Variants in PCSK5 observed in about 807,000 individuals in gnomAD.
PCSK5 encodes the protein prohormone convertase 5.
Under a neutral mutation model 233.2 loss-of-function variants are expected in PCSK5, and 129 were observed. The observed-to-expected ratio is 0.55, with a 90% CI of 0.48 to 0.64. The LOEUF is 0.64. PCSK5 is among the 30% of genes least tolerant of loss of function. PCSK5 has a pLI of 0.00. For synonymous variants in PCSK5, 825 were observed against 879.2 expected, an observed-to-expected ratio of 0.94 and a Z score of 1.09; for missense variants, 2,076 against 2,430.1, an observed-to-expected ratio of 0.85 and a Z score of 3.06.
intron 9 of PCSK5, among the ~76,000 whole-genome samples, chr9:76,116,489 T>C (rs1183366272): frequency 1.3e-5 from 2 of 152,096 alleles, no homozygotes; most frequent in Non-Finnish European, 2.9e-5. Flanking sequence ...AAGACTGTAG[T>C]ACATCAGACA....
chr9:76,238,025 T>A (rs1442767238), intron 22 of PCSK5, among the ~76,000 whole-genome samples: 5 of 152,126 alleles, frequency 3.3e-5, no homozygotes, highest in Non-Finnish European at 5.9e-5. Flanking sequence ...GTAGATCACA[T>A]GACGAATGAA....
intron 24 of PCSK5, among the ~76,000 whole-genome samples, chr9:76,269,638 T>C (rs1827446388): frequency 6.6e-6 from 1 of 152,232 alleles, no homozygotes; most frequent in South Asian, 2.1e-4. Context: ...CTAAACCTCC[T>C]ATAGCTGTAA....
intron 20 of PCSK5, among the ~76,000 whole-genome samples, chr9:76,212,840 C>T (rs571044726): frequency 3.3e-5 from 5 of 152,256 alleles, no homozygotes; most frequent in Non-Finnish European, 5.9e-5. Flanking sequence ...CCTATGGAAA[C>T]GAGGGTTAGA....
At chr9:76,207,813 C>T (rs1825182436) in intron 20 of PCSK5, among the ~76,000 whole-genome samples, 2 of 152,226 alleles carry the variant, frequency 1.3e-5, no homozygotes. Flanking sequence ...AGGAATTTTT[C>T]CCTGATGGAG....
intron 24 of PCSK5, among the ~76,000 whole-genome samples, chr9:76,273,970 T>C (rs887849938): frequency 6.6e-6 from 1 of 151,782 alleles, no homozygotes; most frequent in African/African-American, 2.4e-5. Flanking sequence ...TTTGTTTTTT[T>C]TTTTCCAACA....
At chr9:76,219,894 A>G (rs1324789432) in intron 20 of PCSK5, among the ~76,000 whole-genome samples, 1 of 152,248 alleles carries the variant, frequency 6.6e-6, no homozygotes, top group Non-Finnish European at 1.5e-5. Flanking sequence ...GTCAACATGT[A>G]TTAAAACTTA....
chr9:76,202,946 G>A (rs1456532243), intron 20 of PCSK5, among the ~76,000 whole-genome samples: 1 of 151,904 alleles, frequency 6.6e-6, no homozygotes, highest in Non-Finnish European at 1.5e-5. Context: ...TAACTGTTAT[G>A]GATAGTTGAA....
intron 9 of PCSK5, among the ~76,000 whole-genome samples, chr9:76,124,364 C>G (rs911323779): frequency 6.6e-6 from 1 of 152,128 alleles, no homozygotes; most frequent in Non-Finnish European, 1.5e-5. Context: ...GTCCTCAGAG[C>G]AAGGTAAAGC....
Position 76,019,154 on chromosome 9 carries a change from T to A in PCSK5, c.412-4584T>A, listed in dbSNP as rs1563975753. 2.0e-5 allele frequency among the ~76,000 whole-genome samples: 3 copies of A among 152,196 alleles called. No homozygotes were observed. In the South Asian group the frequency reaches 6.2e-4, roughly 31 times the overall value. On this transcript the variant is annotated intron_variant, in intron 3 of 37. Coordinates refer to ENST00000674117, the MANE Select transcript of PCSK5 (RefSeq NM_001372043.1). ...CAAAGTACCTCTTGCAAATGGTTGT[T>A]GTAAATTTTAAATGATGGTAATCCA...
chr9:75,894,704 G>A (rs540424364), intron 1 of PCSK5, among the ~76,000 whole-genome samples: 1 of 152,244 alleles, frequency 6.6e-6, no homozygotes, highest in Admixed American at 6.5e-5. Flanking sequence ...TTAGTATCTA[G>A]TGGAACCAGC....
At chr9:76,193,451 C>A in intron 20 of PCSK5, 1 of 851,056 alleles carries the variant, frequency 1.2e-6, no homozygotes, top group Non-Finnish European at 1.7e-6. Context: ...AGCAAGCCAC[C>A]TCTCTCTTTC....
chr9:76,292,163 C>T, intron 24 of PCSK5, 70 bp from the exon 25 acceptor site: 2 of 885,190 alleles, frequency 2.3e-6, no homozygotes, highest in African/African-American at 1.6e-5. Context: ...CAAGCTACAG[C>T]TTTCAGACCC....
chr9:76,081,289 A>T (rs1422756105), intron 7 of PCSK5, among the ~76,000 whole-genome samples: 1 of 152,056 alleles, frequency 6.6e-6, no homozygotes, highest in East Asian at 1.9e-4. Context: ...CCCTGTCTCT[A>T]CTAAAAATAC....
intron 1 of PCSK5, among the ~76,000 whole-genome samples, chr9:75,928,605 A>G (rs1823618043): frequency 1.0e-5 from 1 of 98,558 alleles, no homozygotes; most frequent in African/African-American, 5.0e-5. Context: ...ACATATATAT[A>G]TATATATATA....
At chr9:75,948,086 A>G (rs1198833598) in intron 2 of PCSK5, among the ~76,000 whole-genome samples, 1 of 152,018 alleles carries the variant, frequency 6.6e-6, no homozygotes, top group Non-Finnish European at 1.5e-5. Flanking sequence ...TCCTGAAGCA[A>G]TCCTCCTGCC....
chr9:76,227,212 C>T (rs527848464), intron 20 of PCSK5, among the ~76,000 whole-genome samples: 2 of 152,278 alleles, frequency 1.3e-5, no homozygotes, highest in South Asian at 2.1e-4. Flanking sequence ...TGGGAAGCCC[C>T]GCTTGGCCTT....
chr9:76,032,476 T>C (rs1424221964), intron 5 of PCSK5, among the ~76,000 whole-genome samples: 1 of 152,162 alleles, frequency 6.6e-6, no homozygotes, highest in Non-Finnish European at 1.5e-5. Flanking sequence ...ACATTTCTAG[T>C]GCCAAGGCTT....
chr9:76,278,183 G>A (rs1827750808), intron 24 of PCSK5, among the ~76,000 whole-genome samples: 1 of 152,138 alleles, frequency 6.6e-6, no homozygotes, highest in African/African-American at 2.4e-5. Context: ...CGAGTCTCAG[G>A]AGAGCCAAGA....
chr9:75,989,955 A>G (rs1326141772), intron 3 of PCSK5, among the ~76,000 whole-genome samples: 2 of 152,158 alleles, frequency 1.3e-5, no homozygotes, highest in Non-Finnish European at 2.9e-5. Context: ...GAAATTTTTA[A>G]TGAGAAGCCT....
Sources: allele counts gnomAD v4.1 joint callset (sites outside exome capture counted in the v4.1 genomes callset), GRCh38; gene constraint gnomAD v4.1.1; transcripts MANE v1.5; gene names NCBI Gene and HGNC (gene_info 2026-07-23, HGNC 2026-07-21).